The following BMP5 variants were observed in gnomAD, a reference collection of about 807,000 sequenced individuals.
The protein encoded by BMP5 is bone morphogenetic protein 5.
In BMP5, 23 loss-of-function variants were observed where a neutral mutation model predicts 46.6. The observed-to-expected ratio is 0.49, with a 90% CI of 0.35 to 0.70. The LOEUF (loss-of-function observed/expected upper bound fraction) is 0.70. Ranked by LOEUF, BMP5 falls within the 30% of genes least tolerant of loss-of-function variation. BMP5 has a pLI of 0.00. For missense variants in BMP5, 545 were observed against 565.6 expected, an observed-to-expected ratio of 0.96 and a Z score of 0.37; for synonymous variants, 204 against 191.9, an observed-to-expected ratio of 1.06 and a Z score of -0.52.
At chr6:55,779,543 C>T (rs1344646947) in intron 3 of BMP5, among the ~76,000 whole-genome samples, 2 of 151,928 alleles carry the variant, frequency 1.3e-5, no homozygotes, top group African/African-American at 2.4e-5. Flanking sequence ...TTTTTAGAAA[C>T]TGATCATTTA....
intron 1 of BMP5, among the ~76,000 whole-genome samples, chr6:55,831,420 TA>T (rs917709932): frequency 4.0e-5 from 6 of 151,660 alleles, no homozygotes; most frequent in East Asian, 1.9e-4. Flanking sequence ...AGGAACCTAC[TA>T]AAAAAAACTA....
At chr6:55,778,442 T>C (rs955442870) in intron 3 of BMP5, among the ~76,000 whole-genome samples, 2 of 152,042 alleles carry the variant, frequency 1.3e-5, no homozygotes, top group Admixed American at 1.3e-4. Flanking sequence ...GGTTTGGGTA[T>C]CATATAATAC....
chr6:55,810,756 C>T (rs887416285), intron 2 of BMP5, among the ~76,000 whole-genome samples: 2 of 152,170 alleles, frequency 1.3e-5, no homozygotes, highest in South Asian at 4.1e-4. Flanking sequence ...GATTTCTCAA[C>T]CTTGGTACCA....
At chr6:55,819,882 T>C (rs1463201618) in intron 1 of BMP5, 35 bp from the exon 2 acceptor site, 1 of 1,516,830 alleles carries the variant, frequency 6.6e-7, no homozygotes, top group African/African-American at 1.4e-5. Flanking sequence ...GGGAAAAAAG[T>C]TAGTCTTTTA....
At chr6:55,783,742 G>T in intron 3 of BMP5, among the ~76,000 whole-genome samples, 1 of 151,986 alleles carries the variant, frequency 6.6e-6, no homozygotes, top group Non-Finnish European at 1.5e-5. Flanking sequence ...GAGTCTAGAA[G>T]AGAAAATATA....
intron 4 of BMP5, among the ~76,000 whole-genome samples, chr6:55,763,339 A>T (rs1337298186): frequency 6.6e-6 from 1 of 152,154 alleles, no homozygotes; most frequent in Non-Finnish European, 1.5e-5. Flanking sequence ...AGGCTAAGTG[A>T]TGTATATAAT....
chr6:55,779,759 T>C (rs1775262485), intron 3 of BMP5, among the ~76,000 whole-genome samples: 1 of 152,060 alleles, frequency 6.6e-6, no homozygotes, highest in Non-Finnish European at 1.5e-5. Context: ...TGTAGTTTTA[T>C]TGTAAAAGCG....
At chr6:55,773,495 CTGTGTG>C (rs10555940) in intron 4 of BMP5, among the ~76,000 whole-genome samples, 61,680 of 148,094 alleles carry the variant, frequency 0.42, 12,492 homozygotes, top group South Asian at 0.46. Flanking sequence ...TGTTGAAAGA[CTGTGTG>C]TGTGTGTGTG....
chr6:55,854,098 G>C (rs896691769), intron 1 of BMP5, among the ~76,000 whole-genome samples: 27 of 152,214 alleles, frequency 1.8e-4, no homozygotes, highest in Middle Eastern at 6.8e-3. Context: ...TTCTGAAATT[G>C]ATGGAGAAAA....
chr6:55,834,519 T>G (rs764767967), intron 1 of BMP5, among the ~76,000 whole-genome samples: 1 of 147,428 alleles, frequency 6.8e-6, no homozygotes, highest in Non-Finnish European at 1.5e-5. Context: ...GCTGCTTTCA[T>G]GTTTGTTTGT....
intron 6 of BMP5, among the ~76,000 whole-genome samples, chr6:55,758,263 T>C (rs950261361): frequency 2.6e-5 from 4 of 151,916 alleles, no homozygotes; most frequent in Non-Finnish European, 4.4e-5. Context: ...GTATGTTTTC[T>C]AGGAGCCTCT....
chr6:55,831,758 A>G (rs936570540), intron 1 of BMP5, among the ~76,000 whole-genome samples: 1 of 152,186 alleles, frequency 6.6e-6, no homozygotes, highest in African/African-American at 2.4e-5. Context: ...CTGAAGTACA[A>G]AAAATTTCAA....
At chr6:55,799,523 T>G (rs560478132) in intron 2 of BMP5, among the ~76,000 whole-genome samples, 2 of 152,338 alleles carry the variant, frequency 1.3e-5, no homozygotes, top group East Asian at 3.9e-4. Context: ...GAAGTTTACC[T>G]GTGGAGGCCA....
chr6:55,824,733 C>T (rs1475427788), intron 1 of BMP5, among the ~76,000 whole-genome samples: 1 of 151,790 alleles, frequency 6.6e-6, no homozygotes, highest in African/African-American at 2.4e-5. Flanking sequence ...TTGTGTCAAT[C>T]AATTTGCTTC....
At chr6:55,835,947 A>G (rs1355173288) in intron 1 of BMP5, among the ~76,000 whole-genome samples, 2 of 152,198 alleles carry the variant, frequency 1.3e-5, no homozygotes, top group Non-Finnish European at 2.9e-5. Flanking sequence ...TGTAATCTAT[A>G]CCACTGTATG....
intron 1 of BMP5, among the ~76,000 whole-genome samples, chr6:55,837,341 A>AGATG (rs1562062899): frequency 4.6e-5 from 6 of 130,148 alleles, no homozygotes; most frequent in Non-Finnish European, 9.9e-5. Context: ...TAATTTAGAT[A>AGATG]GATAGATAGA....
At chr6:55,773,199 A>G (rs912221711) in intron 4 of BMP5, among the ~76,000 whole-genome samples, 2 of 151,946 alleles carry the variant, frequency 1.3e-5, no homozygotes, top group African/African-American at 4.8e-5. Flanking sequence ...TATTTGACAA[A>G]TAGATAAGTA....
chr6:55,854,532 A>C (rs1777338792), intron 1 of BMP5, among the ~76,000 whole-genome samples: 1 of 152,052 alleles, frequency 6.6e-6, no homozygotes, highest in Non-Finnish European at 1.5e-5. Context: ...CAATAAAGAT[A>C]ATTTTCACTG....
chr6:55,870,526 C>CA lies in BMP5; in HGVS notation c.490+3849dup, dbSNP rs961662482. On this transcript the variant is annotated intron_variant, in intron 1 of 6. Coordinates refer to ENST00000370830, the MANE Select transcript of BMP5 (RefSeq NM_021073.4). ...TCTTTCCTTCCAACCCATCCCCCTTCAAAAAAAACTTCCATGTGTTTATGG... is the reference window on the plus strand; with the variant it reads ...TCTTTCCTTCCAACCCATCCCCCTTCAAAAAAAAACTTCCATGTGTTTATGG... Among the ~76,000 whole-genome samples the CA allele has an allele frequency of 1.3e-4, 20 of 151,952 alleles. No homozygotes were observed. The East Asian group carries it at 2.7e-3, about 21-fold the overall frequency.
Sources: allele counts gnomAD v4.1 joint callset (sites outside exome capture counted in the v4.1 genomes callset), GRCh38; gene constraint gnomAD v4.1.1; transcripts MANE v1.5; gene names NCBI Gene and HGNC (gene_info 2026-07-23, HGNC 2026-07-21).